CLEC2A: variants seen among roughly 807,000 people sequenced by gnomAD.
CLEC2A encodes C-type lectin domain family 2 member A.
Under a neutral mutation model 18.6 loss-of-function variants are expected in CLEC2A, and 19 were observed. That is an observed-to-expected ratio of 1.02 (90% confidence interval 0.71 to 1.50). The LOEUF (loss-of-function observed/expected upper bound fraction) is 1.50. CLEC2A is among the 40% of genes most tolerant of loss of function. The probability of loss-of-function intolerance (pLI) is 0.00; values close to 1 mark genes in which losing one functional copy is unlikely to be tolerated. For missense variants in CLEC2A, 190 were observed against 207.9 expected (o/e 0.91, Z 0.53); for synonymous variants, 74 against 64.0 (o/e 1.16, Z -0.75).
the CLEC2A span, chr12:9,893,294 C>T: frequency 3.3e-6 from 3 of 901,716 alleles, no homozygotes; most frequent in Non-Finnish European, 4.9e-6. Context: ...AATGTAGTCA[C>T]TATTGTTCAT....
intron 2 of CLEC2A, among the ~76,000 whole-genome samples, chr12:9,923,139 A>G (rs1331344492): frequency 2.6e-5 from 4 of 152,178 alleles, no homozygotes; most frequent in Non-Finnish European, 4.4e-5. Flanking sequence ...CCCATCTTCT[A>G]GGTTTGAAGC....
In CLEC2A at chr12:9,907,122, T is replaced by C. The variant is rs1205527448; in HGVS notation, c.411-8146A>G. On this transcript the variant is annotated intron_variant, in intron 4 of 4. Coordinates refer to the CLEC2A transcript ENST00000339766. ...TGAATGCATTCAGGCCACCCACTTG[T>C]ACTAGGTTTAAAACCTTTGACAGGA... Among the ~76,000 whole-genome samples, 86 of 152,296 alleles carry C rather than the reference T, an allele frequency of 5.6e-4. 2 individuals are homozygous for C.
the CLEC2A span, among the ~76,000 whole-genome samples, chr12:9,880,824 C>T: frequency 6.6e-6 from 1 of 152,054 alleles, no homozygotes. Context: ...GGCAAATCTG[C>T]CTTACTCAAA....
At chr12:9,901,953 C>A (rs1187197227) in intron 4 of CLEC2A, among the ~76,000 whole-genome samples, 2 of 152,122 alleles carry the variant, frequency 1.3e-5, no homozygotes, top group Non-Finnish European at 2.9e-5. Flanking sequence ...ACAAAGAGAA[C>A]CTCTTCTGCA....
chr12:9,925,877 A>C (rs549376269), intron 2 of CLEC2A, among the ~76,000 whole-genome samples: 7 of 151,542 alleles, frequency 4.6e-5, no homozygotes, highest in African/African-American at 1.7e-4. Flanking sequence ...CTTCTTCCCT[A>C]CCCCTCCCTA....
chr12:9,887,906 A>G, the CLEC2A span, among the ~76,000 whole-genome samples: 35 of 151,868 alleles, frequency 2.3e-4, no homozygotes, highest in African/African-American at 7.7e-4. Flanking sequence ...ATACACAAAA[A>G]TTAGCTGGGT....
the CLEC2A span, chr12:9,888,626 AT>A: frequency 2.9e-5 from 18 of 616,648 alleles, no homozygotes; most frequent in Non-Finnish European, 4.8e-5. Context: ...GAAACTCACA[AT>A]TTTTATTAGT....
chr12:9,888,096 GA>G, the CLEC2A span, among the ~76,000 whole-genome samples: 2,725 of 101,262 alleles, frequency 0.027, 45 homozygotes, highest in Middle Eastern at 0.062. Context: ...TAATAAAAAT[GA>G]AAAAAAAAAA....
the CLEC2A span, chr12:9,881,603 A>C: frequency 1.3e-6 from 2 of 1,533,494 alleles, no homozygotes; most frequent in Non-Finnish European, 1.7e-6. Flanking sequence ...GAGATGGAGA[A>C]TGAAGATGGG....
chr12:9,878,820 C>G, the CLEC2A span, among the ~76,000 whole-genome samples: 1 of 152,158 alleles, frequency 6.6e-6, no homozygotes, highest in African/African-American at 2.4e-5. Flanking sequence ...ACCACCTTCT[C>G]TCTCCTTTCT....
chr12:9,888,867 C>T, the CLEC2A span: 91 of 732,894 alleles, frequency 1.2e-4, no homozygotes, highest in Middle Eastern at 2.6e-3. Context: ...CCATGTTACA[C>T]AGTAAGCCAA....
chr12:9,916,073 T>C (rs1863066535), intron 4 of CLEC2A, among the ~76,000 whole-genome samples: 2 of 151,474 alleles, frequency 1.3e-5, no homozygotes, highest in East Asian at 3.9e-4. Flanking sequence ...AAATAAAAAA[T>C]AAACAAAAAT....
the CLEC2A span, among the ~76,000 whole-genome samples, chr12:9,886,981 C>T: frequency 2.6e-5 from 4 of 151,530 alleles, no homozygotes; most frequent in South Asian, 8.3e-4. Flanking sequence ...TGGTAGCTAA[C>T]CAAATATCCC....
the CLEC2A span, among the ~76,000 whole-genome samples, chr12:9,883,553 A>G: frequency 6.6e-6 from 1 of 152,224 alleles, no homozygotes; most frequent in East Asian, 1.9e-4. Flanking sequence ...CCTGGCATGT[A>G]TGGAAAGAGC....
chr12:9,904,689 C>T (rs1565527554), intron 4 of CLEC2A, among the ~76,000 whole-genome samples: 1 of 152,140 alleles, frequency 6.6e-6, no homozygotes, highest in Non-Finnish European at 1.5e-5. Flanking sequence ...GTAACATTTG[C>T]TCCTAACCAA....
rs57802045 is a variant in CLEC2A at position 9,906,025 on chromosome 12, G to GTTT, written c.411-7052_411-7050dup. Among the ~76,000 whole-genome samples the GTTT allele has an allele frequency of 3.8e-3, 559 of 146,678 alleles. 5 individuals are homozygous for GTTT. Among genetic ancestry groups the GTTT allele is most frequent in the African/African-American group, 9.3e-3 (367 of 39,646 alleles). On this transcript the variant is annotated intron_variant, in intron 4 of 4. Transcript: ENST00000339766. ...TTCTTGGAGCCCACTTATTAGTTTT[G>GTTT]TTTTTTTTTTTTTTACATATTAGAC... is the stretch of plus-strand genomic sequence containing the variant.
chr12:9,908,060 G>A (rs1188120831), intron 4 of CLEC2A, among the ~76,000 whole-genome samples: 1 of 152,184 alleles, frequency 6.6e-6, no homozygotes, highest in African/African-American at 2.4e-5. Flanking sequence ...AGGACATGCA[G>A]GGTTCAAGAA....
downstream of CLEC2A, among the ~76,000 whole-genome samples, chr12:9,894,084 T>G (rs528294820): frequency 4.0e-5 from 6 of 151,654 alleles, no homozygotes; most frequent in African/African-American, 1.5e-4. Context: ...TCTTTCTCTC[T>G]TCTTCTTTCT....
intron 3 of CLEC2A, among the ~76,000 whole-genome samples, chr12:9,917,814 A>T (rs1591792329): frequency 6.6e-6 from 1 of 152,176 alleles, no homozygotes; most frequent in East Asian, 1.9e-4. Flanking sequence ...GTGTGAGATG[A>T]TATCTCGTTG....
Sources: allele counts gnomAD v4.1 joint callset (sites outside exome capture counted in the v4.1 genomes callset), GRCh38; gene constraint gnomAD v4.1.1; transcripts MANE v1.5; gene names NCBI Gene and HGNC (gene_info 2026-07-23, HGNC 2026-07-21).